GPBP1: variants seen among roughly 807,000 people sequenced by gnomAD.
GPBP1 encodes vasculin.
In GPBP1, 13 loss-of-function variants were observed where a neutral mutation model predicts 56.5. The ratio of observed to expected loss-of-function variants is 0.23; its 90% CI spans 0.15 to 0.37. The LOEUF (loss-of-function observed/expected upper bound fraction) is 0.37, where lower values mean the gene tolerates loss of function less well. Ranked by LOEUF, GPBP1 falls within the 10% of genes least tolerant of loss-of-function variation. The probability of loss-of-function intolerance (pLI) is 1.00; values close to 1 mark genes in which losing one functional copy is unlikely to be tolerated. For missense variants in GPBP1, 477 were observed against 572.3 expected (o/e 0.83, Z 1.70); for synonymous variants, 204 against 188.9 (o/e 1.08, Z -0.66).
At chr5:57,194,493 A>C (rs1041956335) in intron 2 of GPBP1, among the ~76,000 whole-genome samples, 1 of 152,226 alleles carries the variant, frequency 6.6e-6, no homozygotes, top group Non-Finnish European at 1.5e-5. Context: ...GGTAGTGGGA[A>C]TATCACTTCA....
At chr5:57,239,669 A>G (rs1013653622) in intron 6 of GPBP1, among the ~76,000 whole-genome samples, 2 of 152,038 alleles carry the variant, frequency 1.3e-5, no homozygotes, top group African/African-American at 4.8e-5. Flanking sequence ...AATCCCAGCC[A>G]CTTGGGAGGC....
At position 57,193,508 on chromosome 5, in the gene GPBP1, C is replaced by T. The variant is rs532507900; in HGVS notation, c.-58+17108C>T. Among the ~76,000 whole-genome samples, 21 of 142,802 alleles carry T rather than the reference C, an allele frequency of 1.5e-4. No homozygotes were observed. The South Asian group carries it at 3.0e-3, about 21-fold the overall frequency. 93.7% of individuals were successfully genotyped at this position (142,802 alleles called of 152,430 possible). On this transcript the variant is annotated intron_variant, in intron 2 of 11. Coordinates refer to ENST00000506184, the MANE Select transcript of GPBP1 (RefSeq NM_022913.4). ...TTGCGCCTGTAGTCCCACCTGCTTG[C>T]GGGGCTGAGGTGGGAAGATCGCTTG...
chr5:57,225,936 T>G (rs1473984001), intron 3 of GPBP1, among the ~76,000 whole-genome samples: 1 of 152,256 alleles, frequency 6.6e-6, no homozygotes, highest in East Asian at 1.9e-4. Flanking sequence ...TAATAACAAT[T>G]CATATGCTTA....
rs112881406 is a variant in GPBP1 at position 57,180,321 on chromosome 5, G to A, written c.-58+3921G>A. Among the ~76,000 whole-genome samples the A allele has an allele frequency of 4.4e-3, 669 of 152,118 alleles. 4 individuals carry two copies. Among genetic ancestry groups the A allele is most frequent in the African/African-American group, 0.016 (650 of 41,468 alleles). On this transcript the variant is annotated intron_variant, in intron 2 of 11. Transcript: ENST00000506184. ...TGTAGAGATGGGGTTTTGTCATGTT[G>A]GCCAGGCTGGTCTCGAACTCCTGAC...
intron 3 of GPBP1, chr5:57,221,309 A>T: frequency 1.8e-6 from 2 of 1,131,592 alleles, no homozygotes; most frequent in Admixed American, 2.5e-5. Context: ...TTCTTTTGTG[A>T]TTTTCTAGTT....
intron 2 of GPBP1, among the ~76,000 whole-genome samples, chr5:57,187,701 AAAGTC>A (rs1383069163): frequency 6.6e-6 from 1 of 152,086 alleles, no homozygotes; most frequent in Admixed American, 6.6e-5. Context: ...TGTTGTTATT[AAAGTC>A]AAGTGAAATA....
chr5:57,258,593 G>A (rs914951703), intron 10 of GPBP1, among the ~76,000 whole-genome samples: 1 of 152,180 alleles, frequency 6.6e-6, no homozygotes, highest in African/African-American at 2.4e-5. Flanking sequence ...TAGTTACGTG[G>A]CACATGTTTG....
intron 5 of GPBP1, among the ~76,000 whole-genome samples, chr5:57,232,615 G>T (rs1195462361): frequency 1.3e-5 from 2 of 152,100 alleles, no homozygotes; most frequent in Non-Finnish European, 2.9e-5. Flanking sequence ...TTTTTGAAAA[G>T]TTCTAAGGTG....
chr5:57,199,888 CTAGTGGTTTCAGA>C (rs1238015730), intron 2 of GPBP1, among the ~76,000 whole-genome samples: 1 of 151,536 alleles, frequency 6.6e-6, no homozygotes, highest in Non-Finnish European at 1.5e-5. Flanking sequence ...TTGACTAGAC[CTAGTGGTTTCAGA>C]TGTATTTTTA....
chr5:57,183,349 A>C (rs748513908), intron 2 of GPBP1, among the ~76,000 whole-genome samples: 1 of 152,170 alleles, frequency 6.6e-6, no homozygotes, highest in Non-Finnish European at 1.5e-5. Context: ...CCTGGGTGAC[A>C]AGAGTAAAAA....
intron 3 of GPBP1, among the ~76,000 whole-genome samples, chr5:57,229,852 T>C (rs1391580282): frequency 6.6e-6 from 1 of 151,920 alleles, no homozygotes; most frequent in East Asian, 1.9e-4. Context: ...TTCAAACATT[T>C]ATTGATCATT....
At chr5:57,247,316 G>C in intron 8 of GPBP1, 101 bp downstream of exon 8, 1 of 981,766 alleles carries the variant, frequency 1.0e-6, no homozygotes, top group Non-Finnish European at 1.4e-6. Flanking sequence ...ACATTAAAAT[G>C]AGTTTCATTC....
intron 2 of GPBP1, among the ~76,000 whole-genome samples, chr5:57,201,157 A>G (rs1755003659): frequency 6.6e-6 from 1 of 152,006 alleles, no homozygotes. Context: ...TAAATTCTGT[A>G]TCGTATGAGG....
chr5:57,216,833 A>G (rs182498170), intron 3 of GPBP1, among the ~76,000 whole-genome samples: 1 of 151,236 alleles, frequency 6.6e-6, no homozygotes, highest in Non-Finnish European at 1.5e-5. Context: ...CTCCTTATGA[A>G]CATTTTTTCA....
chr5:57,219,755 T>C (rs978005044), intron 3 of GPBP1, among the ~76,000 whole-genome samples: 2 of 152,094 alleles, frequency 1.3e-5, no homozygotes, highest in Non-Finnish European at 2.9e-5. Flanking sequence ...AGCACAGTAA[T>C]AAAAATTAGC....
chr5:57,260,408 T>A (rs1741845885), intron 10 of GPBP1, among the ~76,000 whole-genome samples: 1 of 152,218 alleles, frequency 6.6e-6, no homozygotes, highest in South Asian at 2.1e-4. Context: ...GTGATTTCAT[T>A]ATTCTTCCAC....
intron 3 of GPBP1, among the ~76,000 whole-genome samples, chr5:57,219,410 AC>A (rs1342722226): frequency 0.012 from 748 of 62,268 alleles, 34 homozygotes; most frequent in African/African-American, 0.043. Flanking sequence ...AAAACCAAAA[AC>A]AAACAAACAA....
intron 8 of GPBP1, chr5:57,249,062 T>C (rs998970847): frequency 6.0e-6 from 1 of 167,294 alleles, no homozygotes; most frequent in African/African-American, 2.4e-5. Flanking sequence ...TTGGAGCTGT[T>C]ACTGAACTCT....
At chr5:57,211,945 T>A (rs990492257) in intron 2 of GPBP1, among the ~76,000 whole-genome samples, 8 of 149,946 alleles carry the variant, frequency 5.3e-5, no homozygotes, top group Admixed American at 1.3e-4. Flanking sequence ...TAAAAAAAAA[T>A]TTTTTTTTTG....
Sources: allele counts gnomAD v4.1 joint callset (sites outside exome capture counted in the v4.1 genomes callset), GRCh38; gene constraint gnomAD v4.1.1; transcripts MANE v1.5; gene names NCBI Gene and HGNC (gene_info 2026-07-23, HGNC 2026-07-21).